Variants in SUGCT observed in about 807,000 individuals in gnomAD.
The protein encoded by SUGCT is succinyl-CoA:glutarate-CoA transferase, also known as succinyl-CoA:glutarate CoA-transferase.
Under a neutral mutation model 55.0 loss-of-function variants are expected in SUGCT, and 41 were observed. The observed-to-expected ratio is 0.74, with a 90% CI of 0.58 to 0.97. SUGCT has a LOEUF of 0.97. Ranked by LOEUF, SUGCT falls within the 50% of genes least tolerant of loss-of-function variation. SUGCT has a pLI of 0.00. For synonymous variants in SUGCT, 187 were observed against 200.4 expected, an observed-to-expected ratio of 0.93 and a Z score of 0.56; for missense variants, 568 against 547.8, an observed-to-expected ratio of 1.04 and a Z score of -0.37.
At chr7:40,137,881 C>T (rs1461551952) in intron 1 of SUGCT, among the ~76,000 whole-genome samples, 1 of 152,100 alleles carries the variant, frequency 6.6e-6, no homozygotes, top group Non-Finnish European at 1.5e-5. Context: ...GGGGTTTTGC[C>T]ATGTTGCCCA....
At chr7:40,769,407 T>C (rs1788973874) in intron 13 of SUGCT, among the ~76,000 whole-genome samples, 1 of 152,224 alleles carries the variant, frequency 6.6e-6, no homozygotes, top group African/African-American at 2.4e-5. Flanking sequence ...AAAGGAACTT[T>C]GCAGATGCGA....
intron 6 of SUGCT, among the ~76,000 whole-genome samples, chr7:40,219,363 T>C (rs961164411): frequency 1.3e-5 from 2 of 152,212 alleles, no homozygotes; most frequent in African/African-American, 4.8e-5. Context: ...TACAAATTAG[T>C]AAGTAGAATA....
intron 9 of SUGCT, among the ~76,000 whole-genome samples, chr7:40,360,080 C>T (rs1798074751): frequency 6.6e-6 from 1 of 152,196 alleles, no homozygotes; most frequent in Admixed American, 6.5e-5. Context: ...GTGGCACGAT[C>T]TCGGCTCACT....
At chr7:40,566,805 C>A (rs1796181934) in intron 12 of SUGCT, among the ~76,000 whole-genome samples, 1 of 152,140 alleles carries the variant, frequency 6.6e-6, no homozygotes, top group African/African-American at 2.4e-5. Context: ...AAGCCTATAG[C>A]AATCTTAGAT....
intron 1 of SUGCT, among the ~76,000 whole-genome samples, chr7:40,178,637 CT>C (rs1050982747): frequency 1.3e-5 from 2 of 151,816 alleles, no homozygotes; most frequent in African/African-American, 4.8e-5. Flanking sequence ...ATCTGACCTG[CT>C]TTTTTCTCCC....
chr7:40,215,784 C>G (rs938562388), intron 6 of SUGCT, among the ~76,000 whole-genome samples: 2 of 151,762 alleles, frequency 1.3e-5, no homozygotes, highest in South Asian at 4.2e-4. Context: ...ATGGTGTGAA[C>G]CCGGGAGGCG....
chr7:40,732,360 A>G (rs951557860), intron 12 of SUGCT, among the ~76,000 whole-genome samples: 2 of 152,152 alleles, frequency 1.3e-5, no homozygotes, highest in Admixed American at 6.5e-5. Context: ...GGCTAATTGC[A>G]CCATTTTAAA....
chr7:40,266,242 C>T (rs1415133369), intron 7 of SUGCT, among the ~76,000 whole-genome samples: 6 of 122,462 alleles, frequency 4.9e-5, no homozygotes, highest in Admixed American at 2.2e-4. Context: ...TGGAGTGCAA[C>T]GGATTCAAGT....
At chr7:40,715,964 T>G (rs1464316973) in intron 12 of SUGCT, among the ~76,000 whole-genome samples, 1 of 152,224 alleles carries the variant, frequency 6.6e-6, no homozygotes, top group Non-Finnish European at 1.5e-5. Context: ...TTATCTTTCT[T>G]CCTCACTAGC....
chr7:40,978,310 G>T, the SUGCT span, among the ~76,000 whole-genome samples: 1 of 152,204 alleles, frequency 6.6e-6, no homozygotes, highest in Non-Finnish European at 1.5e-5. Flanking sequence ...AGTCAGGCAG[G>T]GGTTGCTCTC....
At chr7:40,620,673 G>T (rs1220478374) in intron 12 of SUGCT, among the ~76,000 whole-genome samples, 2 of 152,090 alleles carry the variant, frequency 1.3e-5, no homozygotes, top group African/African-American at 4.8e-5. Flanking sequence ...AAAGTGCTGG[G>T]ATTACAGGGG....
chr7:40,625,874 A>C (rs1010603661), intron 12 of SUGCT, among the ~76,000 whole-genome samples: 1 of 152,144 alleles, frequency 6.6e-6, no homozygotes, highest in Non-Finnish European at 1.5e-5. Flanking sequence ...TCCATGAACA[A>C]TTTATTAGGA....
chr7:41,018,626 T>A, the SUGCT span, among the ~76,000 whole-genome samples: 1 of 152,040 alleles, frequency 6.6e-6, no homozygotes, highest in East Asian at 1.9e-4. Context: ...AAGAATGATT[T>A]AAAAAAAACA....
Position 40,707,914 on chromosome 7 carries a change from A to G in SUGCT, c.1090-41520A>G, listed in dbSNP as rs147645847. On this transcript the variant is annotated intron_variant, in intron 12 of 13. Transcript: ENST00000335693. ...TTTTTCTGTGCATTTAGAAAATACA[A>G]TAAAATTTTAGCAATGAATAGGAGC... Among the ~76,000 whole-genome samples, 523 of 152,364 alleles carry G rather than the reference A, an allele frequency of 3.4e-3. 2 individuals are homozygous for G. The highest frequency in any genetic ancestry group is 0.011 in the African/African-American group (471 of 41,576).
At chr7:40,793,477 C>T (rs1465560187) in intron 13 of SUGCT, among the ~76,000 whole-genome samples, 11 of 152,108 alleles carry the variant, frequency 7.2e-5, no homozygotes, top group Admixed American at 5.9e-4. Flanking sequence ...GAGAAGTCAG[C>T]GTTCTAACTG....
chr7:40,381,302 A>G (rs114692761), intron 9 of SUGCT, among the ~76,000 whole-genome samples: 2,137 of 152,192 alleles, frequency 0.014, 42 homozygotes, highest in African/African-American at 0.048. Flanking sequence ...TAAATTTTTA[A>G]TAATAAGAAA....
At chr7:40,787,642 T>C (rs1584440968) in intron 13 of SUGCT, among the ~76,000 whole-genome samples, 1 of 57,308 alleles carries the variant, frequency 1.7e-5, no homozygotes, top group South Asian at 5.4e-4. Flanking sequence ...GAGAAACTGG[T>C]AACCAAGAAA....
chr7:41,030,422 C>T, the SUGCT span, among the ~76,000 whole-genome samples: 2 of 152,056 alleles, frequency 1.3e-5, no homozygotes, highest in African/African-American at 4.8e-5. Flanking sequence ...ATTTTTGACT[C>T]ATCCATTAAG....
At chr7:40,363,619 G>A (rs368200014) in intron 9 of SUGCT, among the ~76,000 whole-genome samples, 2 of 152,156 alleles carry the variant, frequency 1.3e-5, no homozygotes, top group African/African-American at 4.8e-5. Context: ...GTAGTTGAGC[G>A]ATTTTGAGTG....
Sources: gnomAD v4.1 joint callset for allele counts (sites outside exome capture counted in the v4.1 genomes callset) on GRCh38, gnomAD v4.1.1 for gene constraint, MANE v1.5 for transcripts, NCBI Gene and HGNC (gene_info 2026-07-23, HGNC 2026-07-21) for gene names.